Variants in TGFBR3 observed in about 807,000 individuals in gnomAD.
TGFBR3 encodes transforming growth factor beta receptor type 3.
Under a neutral mutation model 87.9 loss-of-function variants are expected in TGFBR3, and 46 were observed. The observed-to-expected ratio is 0.52, with a 90% CI of 0.41 to 0.67. The LOEUF is 0.67. Among genes scored for constraint, TGFBR3 ranks in the 30% least tolerant of loss-of-function variants. The pLI is 0.00. For synonymous variants in TGFBR3, 381 were observed against 391.6 expected, an observed-to-expected ratio of 0.97 and a Z score of 0.32; for missense variants, 866 against 1,041.9, an observed-to-expected ratio of 0.83 and a Z score of 2.32.
chr1:91,712,378 A>C lies in TGFBR3; in HGVS notation c.2031T>G (p.Pro677=), dbSNP rs1459173886. The C allele has an allele frequency of 6.2e-7, 1 of 1,614,116 alleles. No individual in the cohort carries two copies. Among genetic ancestry groups the C allele is most frequent in the Non-Finnish European group, 8.5e-7 (1 of 1,180,046 alleles). Residue 677 remains proline, a synonymous_variant, in exon 13 of 17, where the codon CCT becomes CCG. Transcript: ENST00000212355. The stretch of plus-strand genomic sequence containing the variant: ...TCTTATCCATGTCAGCTTGCGGGAT[A>C]GGAAAGTGCACTCTCTTGGGACTGT... The part of the protein sequence containing the change: ...KFYSPKRVHF[P]IPQADMDKKR...
rs766465020 is a variant in TGFBR3, at chr1:91,716,706, A to G, written c.1569T>C (p.Ile523=). ...ALDGVVYYNS[I]VIQVPALGDS... ...CCCCAAGGGCTGGAACCTGTATCAC[A>G]ATCTAAAAGGCAAAGAAAGCACAGC... Residue 523 remains isoleucine (I), a splice_region_variant and synonymous_variant, in exon 11 of 17, where the codon ATT becomes ATC. Coordinates refer to ENST00000212355, the MANE Select transcript of TGFBR3 (RefSeq NM_003243.5). 10 of 1,614,006 alleles carry G rather than the reference A, an allele frequency of 6.2e-6. No homozygotes were observed. The Admixed American group carries it at 1.2e-4, about 19-fold the overall frequency.
In TGFBR3 at chr1:91,721,936, T is replaced by TA; in HGVS notation, c.1075+18dup. On this transcript the variant is annotated intron_variant, in intron 8 of 16. Transcript: ENST00000212355. ...TTTGGGGGGTATTTTTTACATAACT[T>TA]AAAAAACTTCTAACTTACCATTATT... The TA allele has an allele frequency of 6.2e-7, 1 of 1,611,026 alleles. No individual in the cohort carries two copies. Among genetic ancestry groups the TA allele is most frequent in the Non-Finnish European group, 8.5e-7 (1 of 1,178,382 alleles).
chr1:91,720,915 TATTCCCTTGAAAG>T (rs1672347023), intron 8 of TGFBR3, among the ~76,000 whole-genome samples: 1 of 152,214 alleles, frequency 6.6e-6, no homozygotes, highest in Admixed American at 6.5e-5. Context: ...TTTTGGAACA[TATTCCCTTGAAAG>T]ATAAGAAATA....
intron 10 of TGFBR3, among the ~76,000 whole-genome samples, chr1:91,717,123 C>T (rs1480063322): frequency 6.6e-6 from 1 of 152,128 alleles, no homozygotes; most frequent in Non-Finnish European, 1.5e-5. Context: ...GAACTACTAG[C>T]AGTTGGCGAA....
rs1405932050 is a variant in TGFBR3, at chr1:91,683,748, G to A, written c.2547C>T (p.Ser849=). The stretch of plus-strand genomic sequence containing the variant: ...GTTGGGCTGGGTTGGGCTAGGCCGT[G>A]CTGCTGCTGGAGCAAGGCGTGCTCT... The part of the protein sequence containing the change: ...STQSTPCSSS[S]TA The change falls in exon 17 of 17, where the codon AGC becomes AGT. Residue 849 remains serine, a synonymous_variant. Coordinates refer to ENST00000212355, the MANE Select transcript of TGFBR3 (RefSeq NM_003243.5). 1 of 1,575,624 alleles carries A rather than the reference G, an allele frequency of 6.3e-7. No homozygotes were observed.
At chr1:91,817,010 C>T (rs1022144065) in intron 2 of TGFBR3, among the ~76,000 whole-genome samples, 1 of 152,090 alleles carries the variant, frequency 6.6e-6, no homozygotes, top group African/African-American at 2.4e-5. Context: ...TTGACAGAAC[C>T]AAACTGTGGC....
intron 4 of TGFBR3, among the ~76,000 whole-genome samples, chr1:91,740,703 T>C (rs1673132377): frequency 6.6e-6 from 1 of 152,154 alleles, no homozygotes; most frequent in South Asian, 2.1e-4. Context: ...GGCAGGGACA[T>C]AGACCCAAAT....
intron 4 of TGFBR3, among the ~76,000 whole-genome samples, chr1:91,751,566 A>T (rs72967105): frequency 4.5e-4 from 68 of 152,234 alleles, no homozygotes; most frequent in African/African-American, 1.6e-3. Flanking sequence ...TCCAAACTCC[A>T]GTGCAGACCA....
intron 2 of TGFBR3, among the ~76,000 whole-genome samples, chr1:91,842,099 CAA>C (rs74461608): frequency 7.6e-5 from 10 of 131,622 alleles, no homozygotes; most frequent in African/African-American, 2.2e-4. Flanking sequence ...AAGACTCTGC[CAA>C]AAAAAAAAAG....
intron 6 of TGFBR3, among the ~76,000 whole-genome samples, chr1:91,728,951 A>C (rs1447216278): frequency 6.6e-6 from 1 of 151,950 alleles, no homozygotes; most frequent in Non-Finnish European, 1.5e-5. Context: ...TAGGAAGCTG[A>C]GAGGGAGAAC....
chr1:91,901,685 T>C lies in TGFBR3; in HGVS notation c.-174-1988A>G, dbSNP rs998610392. Among the ~76,000 whole-genome samples, 14 of 151,086 alleles carry C rather than the reference T, an allele frequency of 9.3e-5. No individual in the cohort carries two copies. The East Asian group carries it at 2.5e-3, about 27-fold the overall frequency. ...ATCCCAGCACTTTGGGAGACAGAGG[T>C]GGGAGGATAGCTTGAGACCTGGGTT... On this transcript the variant is annotated intron_variant, in intron 1 of 17. Transcript: ENST00000370399.
intron 2 of TGFBR3, among the ~76,000 whole-genome samples, chr1:91,807,034 A>G (rs1675860736): frequency 6.6e-6 from 1 of 152,220 alleles, no homozygotes; most frequent in Admixed American, 6.5e-5. Context: ...AGCTCCAAGA[A>G]AAAAACACCT....
chr1:91,840,326 A>G (rs941419298), intron 2 of TGFBR3, among the ~76,000 whole-genome samples: 4 of 151,980 alleles, frequency 2.6e-5, no homozygotes, highest in African/African-American at 9.7e-5. Context: ...TGTCAAAAAA[A>G]AAAAAAAAAT....
chr1:91,884,255 G>A (rs576278992), intron 1 of TGFBR3, among the ~76,000 whole-genome samples: 1 of 152,016 alleles, frequency 6.6e-6, no homozygotes, highest in Admixed American at 6.5e-5. Flanking sequence ...GGGAGGTGGA[G>A]GTTGCAGTGA....
chr1:91,838,495 G>A lies in TGFBR3; in HGVS notation c.61+22976C>T, dbSNP rs541170824. On this transcript the variant is annotated intron_variant, in intron 2 of 16. Transcript: ENST00000212355. ...TTTTTTTGAGACGGAGTCTCGCCCT[G>A]TCGCCCAGGCTGGAGTGCAGTGGGG... Among the ~76,000 whole-genome samples, 142 of 135,174 alleles carry A rather than the reference G, an allele frequency of 1.1e-3. 1 individual carries two copies. Among genetic ancestry groups the A allele is most frequent in the Non-Finnish European group, 1.1e-3 (71 of 65,094 alleles). The allele number at this position is 135,174 out of a possible 152,430, so 88.7% of individuals were successfully genotyped here.
intron 2 of TGFBR3, among the ~76,000 whole-genome samples, chr1:91,845,798 A>G (rs17881513): frequency 1.4e-4 from 21 of 152,260 alleles, no homozygotes; most frequent in African/African-American, 4.8e-4. Context: ...TAAACAGAGG[A>G]CATGAGGAAC....
At chr1:91,777,230 C>G (rs986644777) in intron 3 of TGFBR3, among the ~76,000 whole-genome samples, 1 of 152,152 alleles carries the variant, frequency 6.6e-6, no homozygotes, top group African/African-American at 2.4e-5. Context: ...TCTTCAGAGG[C>G]CTGTCTACAC....
intron 3 of TGFBR3, among the ~76,000 whole-genome samples, chr1:91,795,061 C>A (rs1258362236): frequency 6.6e-6 from 1 of 152,232 alleles, no homozygotes; most frequent in Admixed American, 6.5e-5. Flanking sequence ...CTCGTCCTGA[C>A]CCTCATTCTG....
chr1:91,847,299 G>A (rs1216886728), intron 2 of TGFBR3, among the ~76,000 whole-genome samples: 2 of 152,082 alleles, frequency 1.3e-5, no homozygotes, highest in East Asian at 3.9e-4. Context: ...CTAGACTGGA[G>A]TGTGATTATA....
Sources: allele counts gnomAD v4.1 joint callset (sites outside exome capture counted in the v4.1 genomes callset), GRCh38; gene constraint gnomAD v4.1.1; transcripts MANE v1.5; gene names NCBI Gene and HGNC (gene_info 2026-07-23, HGNC 2026-07-21).